Variants in DNER observed in about 807,000 individuals in gnomAD.
The protein encoded by DNER is delta/notch like EGF repeat containing.
Under a neutral mutation model 78.2 loss-of-function variants are expected in DNER, and 33 were observed. That is an observed-to-expected ratio of 0.42 (90% CI 0.32 to 0.56). The LOEUF is 0.56. Among genes scored for constraint, DNER ranks in the 20% least tolerant of loss-of-function variants. The pLI, the probability that DNER is intolerant of heterozygous loss-of-function variation, is 0.11. For synonymous variants in DNER, 417 were observed against 384.8 expected (o/e 1.08, Z -0.98); for missense variants, 918 against 975.3 (o/e 0.94, Z 0.78).
chr2:229,608,097 G>A (rs980986299), intron 1 of DNER, among the ~76,000 whole-genome samples: 3 of 149,962 alleles, frequency 2.0e-5, no homozygotes, highest in African/African-American at 7.4e-5. Context: ...ATTGCTAATT[G>A]CTGACCCCTG....
chr2:229,369,194 A>G (rs1692420304), intron 11 of DNER, among the ~76,000 whole-genome samples: 1 of 151,922 alleles, frequency 6.6e-6, no homozygotes, highest in South Asian at 2.1e-4. Context: ...TAACTTTCTA[A>G]AAAGTTAAAC....
At chr2:229,559,701 C>G (rs1044873012) in intron 4 of DNER, among the ~76,000 whole-genome samples, 13 of 152,210 alleles carry the variant, frequency 8.5e-5, no homozygotes, top group Admixed American at 3.3e-4. Flanking sequence ...CTATTTGCTA[C>G]ACAACTGGGA....
intron 1 of DNER, among the ~76,000 whole-genome samples, chr2:229,644,278 C>T (rs886323795): frequency 2.7e-5 from 4 of 150,114 alleles, no homozygotes; most frequent in African/African-American, 9.8e-5. Context: ...AGCATGGTCA[C>T]TATACTTTGC....
At chr2:229,363,260 A>T (rs1574805695) in intron 12 of DNER, among the ~76,000 whole-genome samples, 1 of 152,266 alleles carries the variant, frequency 6.6e-6, no homozygotes, top group African/African-American at 2.4e-5. Context: ...AGCCTCAGTC[A>T]CTCGTGTGAC....
At chr2:229,488,530 T>A (rs932674366) in intron 6 of DNER, among the ~76,000 whole-genome samples, 1 of 152,220 alleles carries the variant, frequency 6.6e-6, no homozygotes, top group African/African-American at 2.4e-5. Context: ...AAGGTCAAGA[T>A]CATCATTCCA....
At position 229,643,984 on chromosome 2, in the gene DNER, TGCACCAA is replaced by T. The variant is rs778952775; in HGVS notation, c.277-52103_277-52097del. Among the ~76,000 whole-genome samples, 16 of 152,258 alleles carry T rather than the reference TGCACCAA, an allele frequency of 1.1e-4. 2 individuals are homozygous for T. Among genetic ancestry groups the T allele is most frequent in the Admixed American group, 4.6e-4 (7 of 15,298 alleles). ...GCCCCTCATCACCACTTCAGTGCTT[TGCACCAA>T]GCAGACACTCAGCAAATGCCTCATT... is the stretch of plus-strand genomic sequence containing the variant. On this transcript the variant is annotated intron_variant, in intron 1 of 12. Coordinates refer to ENST00000341772, the MANE Select transcript of DNER (RefSeq NM_139072.4).
At chr2:229,695,249 G>A (rs1699644177) in intron 1 of DNER, among the ~76,000 whole-genome samples, 1 of 152,160 alleles carries the variant, frequency 6.6e-6, no homozygotes, top group Admixed American at 6.5e-5. Flanking sequence ...TTAGCAGCAT[G>A]AGAATGGACT....
In DNER at chr2:229,675,649, C is replaced by G. The variant is rs2111190; in HGVS notation, c.276+38499G>C. Among the ~76,000 whole-genome samples the G allele has an allele frequency of 4.7e-3, 716 of 152,290 alleles. 4 individuals carry two copies. The highest frequency in any genetic ancestry group is 0.012 in the Admixed American group (177 of 15,300). Reference sequence around the variant, plus strand: ...CAGAAGGATGGTACTCCAGGCCTGCCCCAGCCACTTGGCTCACATTTCAAA... The same window carrying G: ...CAGAAGGATGGTACTCCAGGCCTGCGCCAGCCACTTGGCTCACATTTCAAA... On this transcript the variant is annotated intron_variant, in intron 1 of 12. Coordinates refer to ENST00000341772, the MANE Select transcript of DNER (RefSeq NM_139072.4).
At chr2:229,697,342 G>A (rs547334883) in intron 1 of DNER, among the ~76,000 whole-genome samples, 2 of 152,330 alleles carry the variant, frequency 1.3e-5, no homozygotes, top group Admixed American at 1.3e-4. Flanking sequence ...CCAGTGACTG[G>A]GAGGAGGGAG....
intron 1 of DNER, among the ~76,000 whole-genome samples, chr2:229,695,745 G>A (rs750427956): frequency 2.6e-5 from 4 of 152,102 alleles, no homozygotes; most frequent in African/African-American, 9.7e-5. Context: ...CCATAAAGCC[G>A]AACTCGTTAG....
intron 6 of DNER, among the ~76,000 whole-genome samples, chr2:229,511,532 C>A (rs1321837217): frequency 6.6e-6 from 1 of 152,142 alleles, no homozygotes; most frequent in Non-Finnish European, 1.5e-5. Context: ...CAAGAACACA[C>A]CACACTAACC....
chr2:229,495,649 C>A (rs1695485831), intron 6 of DNER, among the ~76,000 whole-genome samples: 1 of 152,216 alleles, frequency 6.6e-6, no homozygotes, highest in Non-Finnish European at 1.5e-5. Flanking sequence ...ATATTCTTTA[C>A]ATAGTCTACC....
intron 5 of DNER, among the ~76,000 whole-genome samples, chr2:229,544,814 G>A (rs1003166184): frequency 1.1e-4 from 17 of 152,142 alleles, no homozygotes; most frequent in Admixed American, 5.9e-4. Flanking sequence ...GATTACAGGC[G>A]TGAGCCACTG....
In DNER at chr2:229,714,162, C is replaced by G; in HGVS notation, c.262G>C (p.Gly88Arg). 2 of 1,323,230 alleles carry G rather than the reference C, an allele frequency of 1.5e-6. No individual in the cohort carries two copies. The highest frequency in any genetic ancestry group is 1.9e-6 in the Non-Finnish European group (2 of 1,040,446). The allele number at this position is 1,323,230 out of a possible 1,614,324, so 82.0% of individuals were successfully genotyped here. Residue 88 changes from glycine (G) to arginine (R), a missense_variant, in exon 1 of 13, where the codon GGC becomes CGC. By Grantham distance (125) the Gly-to-Arg change is moderately radical. Transcript: ENST00000341772. ...CTTCCACTCACCTGGCAGTTGGCGC[C>G]GGAGATCCCGGCGGGGCAGGTGCAG... ...YSCTCPAGIS[G>R]ANCQLVADPC...
intron 1 of DNER, among the ~76,000 whole-genome samples, chr2:229,685,166 C>T (rs1030206250): frequency 5.9e-5 from 9 of 152,170 alleles, no homozygotes; most frequent in East Asian, 1.9e-4. Flanking sequence ...GCAGCTTTGA[C>T]GAGAATAAAG....
At chr2:229,564,235 TCATCAA>T (rs1332192334) in intron 4 of DNER, among the ~76,000 whole-genome samples, 1 of 146,020 alleles carries the variant, frequency 6.8e-6, no homozygotes. Context: ...CTCATCTCCA[TCATCAA>T]CATCATGACA....
chr2:229,387,509 GAGA>G (rs1692903685), intron 11 of DNER, among the ~76,000 whole-genome samples: 1 of 76,128 alleles, frequency 1.3e-5, no homozygotes, highest in Non-Finnish European at 2.7e-5. Context: ...GAAAGAAAGA[GAGA>G]AAGAAAGAAA....
At chr2:229,394,945 G>A (rs1050597847) in intron 10 of DNER, among the ~76,000 whole-genome samples, 5 of 151,996 alleles carry the variant, frequency 3.3e-5, no homozygotes, top group African/African-American at 9.7e-5. Flanking sequence ...TGCCACCCTC[G>A]ATGCCACATG....
At chr2:229,516,595 A>G (rs1049815099) in intron 5 of DNER, among the ~76,000 whole-genome samples, 10 of 152,132 alleles carry the variant, frequency 6.6e-5, no homozygotes, top group Non-Finnish European at 1.5e-4. Flanking sequence ...TTTCCTCAAC[A>G]GCTTGAAGTC....
Sources: gnomAD v4.1 joint callset for allele counts (sites outside exome capture counted in the v4.1 genomes callset) on GRCh38, gnomAD v4.1.1 for gene constraint, MANE v1.5 for transcripts, NCBI Gene and HGNC (gene_info 2026-07-23, HGNC 2026-07-21) for gene names.